TOX: variants seen among roughly 807,000 people sequenced by gnomAD.
The protein encoded by TOX is thymocyte selection-associated high mobility group box protein TOX.
TOX carries 11 observed loss-of-function variants against 53.7 expected under a neutral mutation model. That is an observed-to-expected ratio of 0.20 (90% CI 0.13 to 0.34). The LOEUF (loss-of-function observed/expected upper bound fraction) is 0.34. Ranked by LOEUF, TOX falls within the 10% of genes least tolerant of loss-of-function variation. The pLI is 1.00. For missense variants in TOX, 570 were observed against 664.6 expected (o/e 0.86, Z 1.56); for synonymous variants, 225 against 245.3 (o/e 0.92, Z 0.77).
chr8:58,973,644 G>A (rs931357738), intron 1 of TOX, among the ~76,000 whole-genome samples: 1 of 152,166 alleles, frequency 6.6e-6, no homozygotes, highest in Non-Finnish European at 1.5e-5. Context: ...CCATTATTTA[G>A]AAGGTTATTA....
chr8:58,964,728 T>C (rs1042896845), intron 1 of TOX, among the ~76,000 whole-genome samples: 2 of 152,232 alleles, frequency 1.3e-5, no homozygotes, highest in African/African-American at 4.8e-5. Context: ...TCTGGATTCT[T>C]AGTAGAAGAG....
intron 2 of TOX, among the ~76,000 whole-genome samples, chr8:58,958,969 C>T (rs527848398): frequency 1.3e-5 from 2 of 152,288 alleles, no homozygotes; most frequent in South Asian, 2.1e-4. Flanking sequence ...TTTATGCTCC[C>T]TCCCAACCCC....
At chr8:58,932,258 G>A (rs564515259) in intron 3 of TOX, among the ~76,000 whole-genome samples, 33 of 147,470 alleles carry the variant, frequency 2.2e-4, no homozygotes, top group African/African-American at 8.0e-4. Flanking sequence ...TGGGTTCTGC[G>A]ATATTCAAAA....
At chr8:58,838,403 C>T in intron 4 of TOX, 92 bp from the exon 5 acceptor site, 1 of 964,686 alleles carries the variant, frequency 1.0e-6, no homozygotes, top group Non-Finnish European at 1.6e-6. Context: ...TAGACACATA[C>T]CCATTCACAT....
chr8:58,812,390 C>A (rs1810099212), intron 7 of TOX, among the ~76,000 whole-genome samples: 1 of 152,160 alleles, frequency 6.6e-6, no homozygotes, highest in Non-Finnish European at 1.5e-5. Flanking sequence ...TCCTTCCGAT[C>A]TCCTGGACAG....
At chr8:59,040,188 G>C (rs1186901071) in intron 1 of TOX, among the ~76,000 whole-genome samples, 1 of 151,826 alleles carries the variant, frequency 6.6e-6, no homozygotes, top group African/African-American at 2.4e-5. Flanking sequence ...AATTAGCCGG[G>C]CGTAGTGGCG....
intron 1 of TOX, among the ~76,000 whole-genome samples, chr8:58,974,195 C>T (rs940093984): frequency 3.3e-5 from 5 of 152,168 alleles, no homozygotes; most frequent in Non-Finnish European, 5.9e-5. Flanking sequence ...TTATGACTGA[C>T]GGATGCTTCT....
chr8:59,022,295 C>A (rs1814150809), intron 1 of TOX, among the ~76,000 whole-genome samples: 1 of 152,092 alleles, frequency 6.6e-6, no homozygotes, highest in South Asian at 2.1e-4. Flanking sequence ...TTCAGTCACC[C>A]ACAATTATCT....
At chr8:58,972,522 G>A (rs1373158333) in intron 1 of TOX, among the ~76,000 whole-genome samples, 1 of 152,156 alleles carries the variant, frequency 6.6e-6, no homozygotes, top group Non-Finnish European at 1.5e-5. Flanking sequence ...GACATAGGAT[G>A]ATATGTCTCC....
In TOX at chr8:59,019,081, T is replaced by A. The variant is rs553485707; in HGVS notation, c.103-59073A>T. On this transcript the variant is annotated intron_variant, in intron 1 of 8. Coordinates refer to ENST00000361421, the MANE Select transcript of TOX (RefSeq NM_014729.3). ...TTGATAATCCCTATTTTATAAAATT[T>A]TTTTCATAGGTAGATCCTGATTAAT... Among the ~76,000 whole-genome samples the A allele has an allele frequency of 5.3e-5, 8 of 152,278 alleles. No homozygotes were observed. The East Asian group carries it at 1.5e-3, about 29-fold the overall frequency.
intron 1 of TOX, among the ~76,000 whole-genome samples, chr8:59,043,956 A>T (rs891555968): frequency 1.3e-5 from 2 of 152,190 alleles, no homozygotes; most frequent in Admixed American, 6.5e-5. Flanking sequence ...GAACCCCAAG[A>T]GGTCCCCTAA....
intron 3 of TOX, among the ~76,000 whole-genome samples, chr8:58,937,954 G>A (rs576411274): frequency 3.9e-5 from 6 of 152,028 alleles, no homozygotes; most frequent in Admixed American, 2.6e-4. Flanking sequence ...TACACATTTA[G>A]CACGTTAAAA....
At chr8:59,049,654 A>G (rs1803754629) in intron 1 of TOX, among the ~76,000 whole-genome samples, 1 of 152,162 alleles carries the variant, frequency 6.6e-6, no homozygotes, top group South Asian at 2.1e-4. Context: ...TTTCTAATCT[A>G]TAAATTATTT....
At chr8:59,072,427 G>T (rs1340559700) in intron 1 of TOX, among the ~76,000 whole-genome samples, 1 of 152,170 alleles carries the variant, frequency 6.6e-6, no homozygotes, top group Non-Finnish European at 1.5e-5. Flanking sequence ...ATAACCAAAA[G>T]ACATGGGAAG....
intron 1 of TOX, among the ~76,000 whole-genome samples, chr8:59,072,165 T>C (rs1222031072): frequency 1.3e-5 from 2 of 152,200 alleles, no homozygotes; most frequent in East Asian, 3.8e-4. Context: ...ATGCTTTTGT[T>C]AGGTTTGTGA....
chr8:58,895,984 T>G (rs894053525), intron 3 of TOX, among the ~76,000 whole-genome samples: 12 of 152,174 alleles, frequency 7.9e-5, no homozygotes, highest in African/African-American at 2.9e-4. Flanking sequence ...TTGTTTCACA[T>G]CTAGATTCTT....
intron 1 of TOX, among the ~76,000 whole-genome samples, chr8:58,974,915 G>A (rs1014944915): frequency 1.3e-5 from 2 of 151,746 alleles, no homozygotes; most frequent in Non-Finnish European, 2.9e-5. Context: ...TGTTCCATAC[G>A]GTTCTTAGGA....
intron 3 of TOX, among the ~76,000 whole-genome samples, chr8:58,875,127 T>C (rs1462208093): frequency 6.6e-6 from 1 of 152,302 alleles, no homozygotes; most frequent in Non-Finnish European, 1.5e-5. Context: ...CTTGGTATGT[T>C]TGGACATAAG....
chr8:58,978,782 TG>T (rs1478608921), intron 1 of TOX, among the ~76,000 whole-genome samples: 1 of 152,266 alleles, frequency 6.6e-6, no homozygotes, highest in Admixed American at 6.5e-5. Flanking sequence ...GGTTCCCTGT[TG>T]GTATTGTTCA....
Sources: allele counts gnomAD v4.1 joint callset (sites outside exome capture counted in the v4.1 genomes callset), GRCh38; gene constraint gnomAD v4.1.1; transcripts MANE v1.5; gene names NCBI Gene and HGNC (gene_info 2026-07-23, HGNC 2026-07-21).